Variants in EIF2AK4 observed in about 807,000 individuals in gnomAD.
The protein encoded by EIF2AK4 is eukaryotic translation initiation factor 2 alpha kinase 4.
In EIF2AK4, 139 loss-of-function variants were observed where a neutral mutation model predicts 211.1. That is an observed-to-expected ratio of 0.66 (90% confidence interval 0.57 to 0.76). The LOEUF is 0.76. Ranked by LOEUF, EIF2AK4 falls within the 30% of genes least tolerant of loss-of-function variation. The probability of loss-of-function intolerance (pLI) is 0.00; values close to 1 mark genes in which losing one functional copy is unlikely to be tolerated. For synonymous variants in EIF2AK4, 710 were observed against 751.3 expected (o/e 0.94, Z 0.90); for missense variants, 1,664 against 2,043.8 (o/e 0.81, Z 3.58).
intron 1 of EIF2AK4, among the ~76,000 whole-genome samples, chr15:39,937,434 T>C (rs1022770074): frequency 2.6e-5 from 4 of 152,202 alleles, no homozygotes; most frequent in African/African-American, 9.6e-5. Flanking sequence ...TACTCTGTGG[T>C]CCATTTTCTT....
chr15:40,026,184 G>A (rs372347889), intron 33 of EIF2AK4, 95 bp downstream of exon 33: 1 of 1,122,430 alleles, frequency 8.9e-7, no homozygotes, highest in Non-Finnish European at 1.3e-6. Context: ...GCCAGGTGCT[G>A]TGGCTCACAC....
At chr15:39,934,916 C>T (rs2034041874) in intron 1 of EIF2AK4, among the ~76,000 whole-genome samples, 1 of 152,180 alleles carries the variant, frequency 6.6e-6, no homozygotes, top group African/African-American at 2.4e-5. Context: ...CAGAATAAAG[C>T]ACACATTCAT....
chr15:40,034,389 CAA>C lies in EIF2AK4; in HGVS notation c.4839_4840del (p.Arg1614IlefsTer7). ...GCAGCTGCTGTCACGCCTGCCAAAG[CAA>C]AGATACCTCAAATTAGTCTGTGATG... ...VKQLLSRLPK[Q>X]RYLKLVCDEI... On this transcript the variant is annotated frameshift_variant, in exon 38 of 39. Coordinates refer to ENST00000263791, the MANE Select transcript of EIF2AK4 (RefSeq NM_001013703.4). LOFTEE classifies it high-confidence loss of function. 1 of 1,613,972 alleles carries C rather than the reference CAA, an allele frequency of 6.2e-7. No homozygotes were observed. Among genetic ancestry groups the C allele is most frequent in the Non-Finnish European group, 8.5e-7 (1 of 1,179,976 alleles).
chr15:40,021,679 A>T (rs1013932014), intron 31 of EIF2AK4: 4 of 152,426 alleles, frequency 2.6e-5, no homozygotes, highest in Non-Finnish European at 5.9e-5. Flanking sequence ...GAGGTGTGGA[A>T]AGTGGCACCC....
chr15:40,010,069 A>C lies in EIF2AK4; in HGVS notation c.3693+339A>C, dbSNP rs1240406736. On this transcript the variant is annotated intron_variant, in intron 26 of 38. Coordinates refer to ENST00000263791, the MANE Select transcript of EIF2AK4 (RefSeq NM_001013703.4). ...ACCTACTTATTAAGGCAAATCACTAAGTAATTGGTCCTGATACTTGCCAAT... is the reference window on the plus strand; with the variant it reads ...ACCTACTTATTAAGGCAAATCACTACGTAATTGGTCCTGATACTTGCCAAT... Among the ~76,000 whole-genome samples, 5 of 152,222 alleles carry C rather than the reference A, an allele frequency of 3.3e-5. No homozygotes were observed. In the East Asian group the frequency reaches 9.6e-4, roughly 29 times the overall value.
chr15:39,935,585 C>A (rs868586144), intron 1 of EIF2AK4, among the ~76,000 whole-genome samples: 11 of 152,124 alleles, frequency 7.2e-5, no homozygotes, highest in African/African-American at 2.7e-4. Flanking sequence ...CTCACCTTGG[C>A]CTCTGAAAGT....
intron 25 of EIF2AK4, 134 bp from the exon 26 acceptor site, chr15:40,009,480 A>T: frequency 1.7e-6 from 1 of 593,512 alleles, no homozygotes. Flanking sequence ...AAAAAAAAAT[A>T]AACTAGGAAG....
At chr15:40,026,139 G>T (rs777454402) in intron 33 of EIF2AK4, 50 bp downstream of exon 33, 2 of 1,487,684 alleles carry the variant, frequency 1.3e-6, no homozygotes, top group Non-Finnish European at 1.9e-6. Flanking sequence ...TACCTATATG[G>T]AAACTACGTA....
Position 39,934,143 on chromosome 15 carries a change from G to A in EIF2AK4, c.-53G>A. ...GCGGAGCCCCGCCCCGCAGGCTGCCGGGGGCCCACCGCCGCCCAGGCAAGG... is the reference window on the plus strand; with the variant it reads ...GCGGAGCCCCGCCCCGCAGGCTGCCAGGGGCCCACCGCCGCCCAGGCAAGG... On this transcript the variant is annotated 5_prime_UTR_variant, in exon 1 of 39. Coordinates refer to ENST00000263791, the MANE Select transcript of EIF2AK4 (RefSeq NM_001013703.4). 8.0e-7 allele frequency: 1 copy of A among 1,250,738 alleles called. No homozygotes were observed. The highest frequency in any genetic ancestry group is 1.0e-6 in the Non-Finnish European group (1 of 1,002,358). 77.5% of individuals were successfully genotyped at this position (1,250,738 alleles called of 1,614,324 possible).
At chr15:40,015,423 AAG>A (rs1045202184) in intron 27 of EIF2AK4, among the ~76,000 whole-genome samples, 1 of 152,196 alleles carries the variant, frequency 6.6e-6, no homozygotes, top group African/African-American at 2.4e-5. Flanking sequence ...GCAGCAGGCA[AAG>A]AGAGAGAACT....
At chr15:40,016,355 A>G (rs956752880) in intron 27 of EIF2AK4, 147 bp from the exon 28 acceptor site, 1 of 968,268 alleles carries the variant, frequency 1.0e-6, no homozygotes, top group Non-Finnish European at 1.5e-6. Context: ...CTTAGTCAGG[A>G]TTGTGGCAAA....
chr15:39,992,949 C>A, intron 18 of EIF2AK4, 101 bp downstream of exon 18: 1 of 1,134,884 alleles, frequency 8.8e-7, no homozygotes, highest in South Asian at 1.3e-5. Flanking sequence ...GTCAAGACAT[C>A]CACTCATTCA....
At chr15:39,983,108 G>A (rs1185802893) in intron 13 of EIF2AK4, among the ~76,000 whole-genome samples, 3 of 152,170 alleles carry the variant, frequency 2.0e-5, no homozygotes, top group Non-Finnish European at 2.9e-5. Context: ...CTAGATCCTT[G>A]AGGAATTGCC....
rs1224922122 is a variant in EIF2AK4 at position 40,030,477 on chromosome 15, T to C, written c.4659+21T>C. ...CTCAGGTACACTGGGTCAGGGTTTC[T>C]TTGGCTTTCTAATATGAGTTACAGA... On this transcript the variant is annotated intron_variant, in intron 35 of 38. Coordinates refer to ENST00000263791, the MANE Select transcript of EIF2AK4 (RefSeq NM_001013703.4). The C allele has an allele frequency of 1.9e-6, 3 of 1,602,446 alleles. No homozygotes were observed. In the Admixed American group the frequency reaches 5.1e-5, roughly 27 times the overall value.
intron 9 of EIF2AK4, 38 bp downstream of exon 9, chr15:39,967,917 T>C (rs1414646901): frequency 1.3e-6 from 2 of 1,593,820 alleles, no homozygotes; most frequent in Non-Finnish European, 1.7e-6. Context: ...AGCACTTTAC[T>C]CCTGTACTTT....
chr15:40,009,069 TTTTTGTTTTG>T (rs57240792), intron 25 of EIF2AK4, among the ~76,000 whole-genome samples: 2,677 of 146,770 alleles, frequency 0.018, 40 homozygotes, highest in African/African-American at 0.039. Flanking sequence ...GTCAGAGTTG[TTTTTGTTTTG>T]TTTTGTTTTG....
intron 6 of EIF2AK4, among the ~76,000 whole-genome samples, chr15:39,959,961 A>C (rs59369586): frequency 0.012 from 1,802 of 152,258 alleles, 53 homozygotes; most frequent in African/African-American, 0.041. Context: ...CAGGAGATCG[A>C]GACCAGCCTG....
rs1284636609 is a variant in EIF2AK4 at position 39,990,367 on chromosome 15, T to C, written c.2621T>C (p.Leu874Pro). 1 of 1,613,636 alleles carries C rather than the reference T, an allele frequency of 6.2e-7. No homozygotes were observed. ...GATTTTGGTTTGGCGACAGACCATC[T>C]AGCCTTTTCTGTAAGTATTTTAAAA... ...IGDFGLATDH[L>P]AFSADSKQDD... is the part of the protein sequence containing the mutation. Residue 874 changes from leucine to proline, a missense_variant, in exon 16 of 39, where the codon CTA (leucine) becomes CCA (proline). By Grantham distance (98) the Leu-to-Pro change is moderately conservative (BLOSUM62 -3). Transcript: ENST00000263791.
In EIF2AK4 at chr15:39,961,874, C is replaced by T. The variant is rs1595549771; in HGVS notation, c.834C>T (p.Leu278=). Residue 278 remains leucine (L), a synonymous_variant, in exon 7 of 39, where the codon CTC becomes CTT. Transcript: ENST00000263791. ...TCAATATGGGGAGTCCTGATCAGCT[C>T]ATGGTGCACAAAGGGAAATGTATTG... The part of the protein sequence containing the change: ...LYFNMGSPDQ[L]MVHKGKCIGS... The T allele has an allele frequency of 1.9e-6, 3 of 1,613,880 alleles. No homozygotes were observed. Among genetic ancestry groups the T allele is most frequent in the South Asian group, 1.1e-5 (1 of 91,012 alleles).
Sources: gnomAD v4.1 joint callset for allele counts (sites outside exome capture counted in the v4.1 genomes callset) on GRCh38, gnomAD v4.1.1 for gene constraint, MANE v1.5 for transcripts, NCBI Gene and HGNC (gene_info 2026-07-23, HGNC 2026-07-21) for gene names.